The following NEDD4L variants were observed in gnomAD, a reference collection of about 807,000 sequenced individuals.
The protein encoded by NEDD4L is NEDD4 like E3 ubiquitin protein ligase.
Under a neutral mutation model 148.9 loss-of-function variants are expected in NEDD4L, and 54 were observed. That is an observed-to-expected ratio of 0.36 (90% CI 0.29 to 0.45). NEDD4L has a LOEUF of 0.45. NEDD4L is among the 20% of genes least tolerant of loss of function. The probability of loss-of-function intolerance (pLI) is 1.00; values close to 1 mark genes in which losing one functional copy is unlikely to be tolerated. For missense variants in NEDD4L, 856 were observed against 1,233.8 expected (o/e 0.69, Z 4.59); for synonymous variants, 433 against 440.7 (o/e 0.98, Z 0.22).
At chr18:58,148,458 G>T (rs567614851) in intron 1 of NEDD4L, among the ~76,000 whole-genome samples, 14 of 152,138 alleles carry the variant, frequency 9.2e-5, no homozygotes, top group Non-Finnish European at 2.1e-4. Context: ...GAGCCACTTC[G>T]CCTGGCCATG....
intron 2 of NEDD4L, among the ~76,000 whole-genome samples, chr18:58,196,073 A>G (rs905695688): frequency 6.6e-6 from 1 of 152,208 alleles, no homozygotes; most frequent in African/African-American, 2.4e-5. Flanking sequence ...TGCATTTGTC[A>G]TCACTGTGTT....
chr18:58,116,689 A>G (rs1158853503), intron 1 of NEDD4L, among the ~76,000 whole-genome samples: 2 of 152,232 alleles, frequency 1.3e-5, no homozygotes, highest in African/African-American at 4.8e-5. Flanking sequence ...AAGGCTTAAC[A>G]TAGAGGAATG....
intron 2 of NEDD4L, among the ~76,000 whole-genome samples, chr18:58,172,904 G>A (rs1385825793): frequency 1.3e-5 from 2 of 152,234 alleles, no homozygotes; most frequent in Non-Finnish European, 2.9e-5. Flanking sequence ...AGGGTTCCTC[G>A]AAAACCCTGA....
chr18:58,057,088 G>A (rs2082121253), intron 1 of NEDD4L, among the ~76,000 whole-genome samples: 4 of 151,910 alleles, frequency 2.6e-5, no homozygotes, highest in Admixed American at 2.6e-4. Context: ...CAGGGGTAAA[G>A]TCAGGCACGG....
intron 2 of NEDD4L, among the ~76,000 whole-genome samples, chr18:58,213,217 G>A (rs2042787651): frequency 1.3e-5 from 2 of 152,110 alleles, no homozygotes; most frequent in Admixed American, 1.3e-4. Flanking sequence ...TTTCTTCTAA[G>A]CAACCTTTGT....
rs34307554 is a variant in NEDD4L at position 58,240,175 on chromosome 18, A to ATT, written c.123-5244_123-5243dup. Reference sequence around the variant, plus strand: ...ATCTCTAAGGTGATGTCACCCTTGTATTTTTTTTTCAGATGTAATCTTTTA... The same window carrying ATT: ...ATCTCTAAGGTGATGTCACCCTTGTATTTTTTTTTTTCAGATGTAATCTTTTA... On this transcript the variant is annotated intron_variant, in intron 2 of 30. Transcript: ENST00000400345. 7.3e-5 allele frequency among the ~76,000 whole-genome samples: 11 copies of ATT among 150,482 alleles called. No individual in the cohort carries two copies. In the East Asian group the frequency reaches 1.6e-3, roughly 21 times the overall value.
At chr18:58,285,688 A>C (rs554935673) in intron 5 of NEDD4L, among the ~76,000 whole-genome samples, 1 of 152,244 alleles carries the variant, frequency 6.6e-6, no homozygotes, top group African/African-American at 2.4e-5. Flanking sequence ...AGCTCACTGT[A>C]TAATTTTTGC....
chr18:58,119,553 G>C (rs2086088267), intron 1 of NEDD4L, among the ~76,000 whole-genome samples: 1 of 152,350 alleles, frequency 6.6e-6, no homozygotes, highest in African/African-American at 2.4e-5. Flanking sequence ...TGGCCCTGGT[G>C]TGTTCTCTCT....
intron 1 of NEDD4L, among the ~76,000 whole-genome samples, chr18:58,066,719 T>C (rs1360745175): frequency 6.6e-6 from 1 of 152,186 alleles, no homozygotes; most frequent in Admixed American, 6.6e-5. Context: ...TACAGGCTTC[T>C]GCTTCTGGGG....
chr18:58,084,671 T>TTGTGTGGGTGTG (rs372571146), intron 1 of NEDD4L, among the ~76,000 whole-genome samples: 2 of 133,738 alleles, frequency 1.5e-5, no homozygotes, highest in Non-Finnish European at 3.2e-5. Flanking sequence ...TGTGGGGTTT[T>TTGTGTGGGTGTG]TGTGTGTGTG....
chr18:58,255,315 TAAAA>T (rs10541382), intron 5 of NEDD4L: 28 of 185,214 alleles, frequency 1.5e-4, no homozygotes, highest in East Asian at 2.7e-4. Flanking sequence ...TCTTGCTGTT[TAAAA>T]AAAAAAAAAA....
chr18:58,075,014 A>G (rs1362110324), intron 1 of NEDD4L, among the ~76,000 whole-genome samples: 1 of 152,218 alleles, frequency 6.6e-6, no homozygotes, highest in Non-Finnish European at 1.5e-5. Context: ...GGTCAAAATA[A>G]CAATAATAAT....
Position 58,238,183 on chromosome 18 carries a change from T to C in NEDD4L, c.123-7244T>C, listed in dbSNP as rs553531891. 2.9e-4 allele frequency among the ~76,000 whole-genome samples: 44 copies of C among 152,358 alleles called. 1 individual carries two copies. The highest frequency in any genetic ancestry group is 1.0e-3 in the African/African-American group (43 of 41,592). On this transcript the variant is annotated intron_variant, in intron 2 of 30. Transcript: ENST00000400345. ...CATTGCCAGTATTGGTGATGAGTGA[T>C]ATATTTTAAACTATGCTTCATACCT...
At chr18:58,308,656 CA>C (rs1389375457) in intron 5 of NEDD4L, among the ~76,000 whole-genome samples, 1 of 152,248 alleles carries the variant, frequency 6.6e-6, no homozygotes, top group Non-Finnish European at 1.5e-5. Flanking sequence ...GTGCTGCAGG[CA>C]GCTTCAGTGC....
chr18:58,161,277 C>CAAGA (rs2036173470), intron 1 of NEDD4L, among the ~76,000 whole-genome samples: 2 of 152,166 alleles, frequency 1.3e-5, no homozygotes, highest in South Asian at 4.1e-4. Context: ...GTGATCCACC[C>CAAGA]ATCTTGGCCT....
At chr18:58,357,821 C>T (rs1045241231) in intron 19 of NEDD4L, among the ~76,000 whole-genome samples, 2 of 152,054 alleles carry the variant, frequency 1.3e-5, no homozygotes, top group African/African-American at 4.8e-5. Flanking sequence ...CTTAAAACAC[C>T]GTAGCACACT....
In NEDD4L at chr18:58,256,094, G is replaced by C; in HGVS notation, c.297+4040G>C. 1.6e-6 allele frequency: 2 copies of C among 1,227,670 alleles called. No homozygotes were observed. Among genetic ancestry groups the C allele is most frequent in the South Asian group, 8.2e-5 (2 of 24,296 alleles). 76.0% of individuals were successfully genotyped at this position (1,227,670 alleles called of 1,614,324 possible). A position where few individuals can be genotyped will look rare whatever the true frequency, so the allele number is the denominator to read the frequency against. ...GGAGCCCTCGCCGAGGGACACCCCC[G>C]GGAGCTCCCCTCCGAGGGCAGCCCG... On this transcript the variant is annotated intron_variant, in intron 5 of 30. Transcript: ENST00000400345. This position sits in a 1 kb window ranked among gnomAD's most constrained non-coding sequence, Gnocchi z 5.2.
chr18:58,335,640 TC>T, intron 13 of NEDD4L, 103 bp downstream of exon 13: 2 of 874,520 alleles, frequency 2.3e-6, no homozygotes, highest in Non-Finnish European at 3.9e-6. Context: ...TAAGATTAGC[TC>T]CTTTGTGCTA....
At chr18:58,107,575 C>T (rs1261569747) in intron 1 of NEDD4L, among the ~76,000 whole-genome samples, 2 of 152,074 alleles carry the variant, frequency 1.3e-5, no homozygotes, top group Non-Finnish European at 2.9e-5. Flanking sequence ...AAATATCAGC[C>T]AGAAGTGGTG....
Sources: allele counts gnomAD v4.1 joint callset (sites outside exome capture counted in the v4.1 genomes callset), GRCh38; gene constraint gnomAD v4.1.1; non-coding constraint Gnocchi (gnomAD v3.1); transcripts MANE v1.5; gene names NCBI Gene and HGNC (gene_info 2026-07-23, HGNC 2026-07-21).